The following MALRD1 variants were observed in gnomAD, a reference collection of about 807,000 sequenced individuals.
The protein encoded by MALRD1 is MAM and LDL receptor class A domain containing 1.
Under a neutral mutation model 242.1 loss-of-function variants are expected in MALRD1, and 247 were observed. That is an observed-to-expected ratio of 1.02 (90% CI 0.92 to 1.13). MALRD1 has a LOEUF of 1.13. MALRD1 is among the 50% of genes most tolerant of loss of function. The pLI, the probability that MALRD1 is intolerant of heterozygous loss-of-function variation, is 0.00. For synonymous variants in MALRD1, 995 were observed against 866.6 expected (o/e 1.15, Z -2.60); for missense variants, 2,989 against 2,533.1 (o/e 1.18, Z -3.86).
chr10:19,223,536 TTG>T (rs1036312369), intron 18 of MALRD1, among the ~76,000 whole-genome samples: 1 of 152,110 alleles, frequency 6.6e-6, no homozygotes, highest in Non-Finnish European at 1.5e-5. Context: ...ACATTTACAT[TTG>T]TGTGTATATA....
At chr10:19,189,735 G>A (rs1056411543) in intron 14 of MALRD1, among the ~76,000 whole-genome samples, 1 of 151,602 alleles carries the variant, frequency 6.6e-6, no homozygotes, top group African/African-American at 2.4e-5. Flanking sequence ...AATTGATGCA[G>A]AAAAAAACAT....
chr10:19,370,762 A>C (rs1212521748), intron 26 of MALRD1, among the ~76,000 whole-genome samples: 1 of 151,898 alleles, frequency 6.6e-6, no homozygotes, highest in Non-Finnish European at 1.5e-5. Flanking sequence ...TATTTTGTAG[A>C]GACTCGATTT....
intron 38 of MALRD1, among the ~76,000 whole-genome samples, chr10:19,701,428 A>G (rs865895485): frequency 2.2e-4 from 34 of 152,220 alleles, no homozygotes; most frequent in African/African-American, 7.9e-4. Flanking sequence ...CTGATTGAGG[A>G]AGGTGTACCA....
chr10:19,448,218 T>C (rs1488229174), intron 28 of MALRD1, among the ~76,000 whole-genome samples: 5 of 152,208 alleles, frequency 3.3e-5, no homozygotes, highest in African/African-American at 4.8e-5. Context: ...CTTTAAATTA[T>C]GTGTAAATTA....
intron 21 of MALRD1, among the ~76,000 whole-genome samples, chr10:19,289,096 G>C (rs1425702552): frequency 6.6e-6 from 1 of 151,490 alleles, no homozygotes; most frequent in African/African-American, 2.4e-5. Flanking sequence ...TCCTTGGGCT[G>C]CTTCTGACTC....
intron 27 of MALRD1, chr10:19,389,107 TAGA>T: frequency 2.7e-6 from 1 of 369,636 alleles, no homozygotes; most frequent in African/African-American, 2.1e-5. Flanking sequence ...CTCTTTTTTT[TAGA>T]TTTCATTGGT....
At chr10:19,471,044 CT>C (rs540628183) in intron 29 of MALRD1, among the ~76,000 whole-genome samples, 3 of 151,310 alleles carry the variant, frequency 2.0e-5, no homozygotes, top group African/African-American at 7.3e-5. Context: ...TTTCCCCTAT[CT>C]TTTTTTTAGG....
At position 19,103,993 on chromosome 10, in the gene MALRD1, T is replaced by C. The variant is rs1836374735; in HGVS notation, c.612T>C (p.Gly204=). 5 of 1,233,654 alleles carry C rather than the reference T, an allele frequency of 4.1e-6. No homozygotes were observed. The African/African-American group carries it at 7.8e-5, about 19-fold the overall frequency. The allele number at this position is 1,233,654 out of a possible 1,614,324, so 76.4% of individuals were successfully genotyped here. The change falls in exon 5 of 40, where the codon GGT becomes GGC. Residue 204 remains glycine (G), a synonymous_variant. Coordinates refer to ENST00000454679, the MANE Select transcript of MALRD1 (RefSeq NM_001142308.3). ...TTCTGGTGCAGGTTGTTTTTGAAGG[T>C]CAAATGGCTTCAACGTATGAACAGG... ...SSQRFQVVFE[G]QMASTYEQDE... is the part of the protein sequence containing the mutation.
At chr10:19,539,897 T>TGTGTGCGTGCGCGCGCGC (rs1365113182) in intron 32 of MALRD1, among the ~76,000 whole-genome samples, 2 of 44,418 alleles carry the variant, frequency 4.5e-5, no homozygotes, top group Admixed American at 2.8e-4. Context: ...TGTGTGTGTG[T>TGTGTGCGTGCGCGCGCGC]GCGCGCGCGC....
intron 39 of MALRD1, among the ~76,000 whole-genome samples, chr10:19,731,861 G>T (rs760927583): frequency 3.9e-5 from 6 of 152,098 alleles, no homozygotes; most frequent in African/African-American, 1.4e-4. Flanking sequence ...ATGAAAATAG[G>T]TCACAGTTTT....
At chr10:19,250,756 A>G (rs1588780357) in intron 18 of MALRD1, among the ~76,000 whole-genome samples, 1 of 151,836 alleles carries the variant, frequency 6.6e-6, no homozygotes. Context: ...GTGTGATGAT[A>G]TGTGTAAGAC....
intron 8 of MALRD1, 57 bp downstream of exon 8, chr10:19,128,444 T>A (rs1837349933): frequency 8.6e-7 from 1 of 1,162,460 alleles, no homozygotes; most frequent in South Asian, 4.4e-5. Flanking sequence ...TTTCTAACTC[T>A]TGGCAACTTG....
intron 21 of MALRD1, among the ~76,000 whole-genome samples, chr10:19,286,509 A>G (rs968618142): frequency 2.0e-5 from 3 of 152,198 alleles, no homozygotes; most frequent in Non-Finnish European, 2.9e-5. Context: ...TATTGAGATA[A>G]TCATGTGGTT....
intron 21 of MALRD1, among the ~76,000 whole-genome samples, chr10:19,294,521 A>G (rs896785901): frequency 6.6e-6 from 1 of 152,174 alleles, no homozygotes; most frequent in Non-Finnish European, 1.5e-5. Context: ...CATTAGTCAT[A>G]TGTTTCCTGA....
intron 24 of MALRD1, among the ~76,000 whole-genome samples, chr10:19,337,463 C>G (rs1438305139): frequency 2.0e-5 from 3 of 152,014 alleles, no homozygotes; most frequent in African/African-American, 7.2e-5. Context: ...GAAGTGTAAT[C>G]TCATGGTGGT....
chr10:19,580,688 C>G (rs543643922), intron 33 of MALRD1, among the ~76,000 whole-genome samples: 2 of 152,164 alleles, frequency 1.3e-5, no homozygotes, highest in African/African-American at 4.8e-5. Flanking sequence ...GCTTTGGCCT[C>G]GACTAGCTGC....
At chr10:19,232,378 A>C (rs1293612761) in intron 18 of MALRD1, among the ~76,000 whole-genome samples, 1 of 150,006 alleles carries the variant, frequency 6.7e-6, no homozygotes, top group African/African-American at 2.5e-5. Flanking sequence ...GGGTTTCAGC[A>C]TGTGGGCAAG....
intron 14 of MALRD1, 32 bp downstream of exon 14, chr10:19,175,360 A>G: frequency 8.2e-7 from 1 of 1,223,132 alleles, no homozygotes; most frequent in Admixed American, 4.3e-5. Flanking sequence ...TTGCTGTTTT[A>G]AACATTGAAT....
intron 5 of MALRD1, among the ~76,000 whole-genome samples, chr10:19,106,878 A>G (rs1018644456): frequency 4.6e-5 from 7 of 151,944 alleles, no homozygotes; most frequent in African/African-American, 1.7e-4. Flanking sequence ...ATTTAATTTC[A>G]TCATTGGCTT....
Sources: gnomAD v4.1 joint callset for allele counts (sites outside exome capture counted in the v4.1 genomes callset) on GRCh38, gnomAD v4.1.1 for gene constraint, MANE v1.5 for transcripts, NCBI Gene and HGNC (gene_info 2026-07-23, HGNC 2026-07-21) for gene names.